CDK18: variants seen among roughly 807,000 people sequenced by gnomAD.
CDK18 encodes the protein cyclin-dependent kinase 18.
Under a neutral mutation model 62.0 loss-of-function variants are expected in CDK18, and 52 were observed. The ratio of observed to expected loss-of-function variants is 0.84; its 90% CI spans 0.67 to 1.06. CDK18 has a LOEUF of 1.06. CDK18 is among the 50% of genes least tolerant of loss of function. The probability of loss-of-function intolerance (pLI) is 0.00; values close to 1 mark genes in which losing one functional copy is unlikely to be tolerated. For synonymous variants in CDK18, 237 were observed against 247.0 expected (o/e 0.96, Z 0.38); for missense variants, 604 against 619.9 (o/e 0.97, Z 0.27).
chr1:205,519,663 C>T (rs1040931754), intron 1 of CDK18, among the ~76,000 whole-genome samples: 4 of 152,174 alleles, frequency 2.6e-5, no homozygotes, highest in Admixed American at 6.5e-5. Context: ...CTGGCCTCAC[C>T]CTTCCTCCAG....
chr1:205,510,125 T>C (rs1471641708), intron 1 of CDK18, among the ~76,000 whole-genome samples: 1 of 151,832 alleles, frequency 6.6e-6, no homozygotes, highest in Non-Finnish European at 1.5e-5. Flanking sequence ...TGAACACTGT[T>C]CCCCATCTTA....
intron 1 of CDK18, among the ~76,000 whole-genome samples, chr1:205,521,676 G>C (rs980856640): frequency 1.3e-5 from 2 of 152,264 alleles, no homozygotes; most frequent in Non-Finnish European, 2.9e-5. Flanking sequence ...AGGGCAGCTG[G>C]AGGGCCACCA....
rs578183892 is a variant in CDK18 at position 205,517,927 on chromosome 1, G to A, written c.-21-5220G>A. On this transcript the variant is annotated intron_variant, in intron 1 of 15. Coordinates refer to ENST00000429964, the MANE Select transcript of CDK18 (RefSeq NM_212502.3). This position sits in a 1 kb window ranked among gnomAD's most constrained non-coding sequence, Gnocchi z 4.1. ...TCCGTTCAAACCCTCCTTACCCCTC[G>A]AGGCCCAACACAGCTGCTCCGCACT... Among the ~76,000 whole-genome samples the A allele has an allele frequency of 5.3e-5, 8 of 152,126 alleles. No homozygotes were observed. The highest frequency in any genetic ancestry group is 2.1e-4 in the South Asian group (1 of 4,806).
intron 15 of CDK18, 116 bp from the exon 16 acceptor site, chr1:205,531,228 A>G: frequency 1.1e-6 from 1 of 890,550 alleles, no homozygotes; most frequent in Non-Finnish European, 1.8e-6. Flanking sequence ...TCCTGTTTGC[A>G]TGCCCTTGCT....
In CDK18 at chr1:205,528,442, G is replaced by T. The variant is rs1396928051; in HGVS notation, c.974+274G>T. Among the ~76,000 whole-genome samples the T allele has an allele frequency of 6.6e-6, 1 of 152,136 alleles. No homozygotes were observed. Among genetic ancestry groups the T allele is most frequent in the Non-Finnish European group, 1.5e-5 (1 of 68,024 alleles). The stretch of plus-strand genomic sequence containing the variant: ...ACCAGAGACCCAGAGGGTCCAGGAG[G>T]GCCCCTATAGTAAATACGATGAATC... On this transcript the variant is annotated intron_variant, in intron 10 of 15. Coordinates refer to ENST00000429964, the MANE Select transcript of CDK18 (RefSeq NM_212502.3). This position sits in a 1 kb window ranked among gnomAD's most constrained non-coding sequence, Gnocchi z 4.2.
At position 205,528,313 on chromosome 1, in the gene CDK18, T is replaced by C. The variant is rs1370365849; in HGVS notation, c.974+145T>C. 1.0e-5 allele frequency: 10 copies of C among 985,466 alleles called. No homozygotes were observed. The highest frequency in any genetic ancestry group is 2.7e-5 in the Admixed American group (1 of 36,610). The allele number at this position is 985,466 out of a possible 1,614,324, so 61.0% of individuals were successfully genotyped here. A position where few individuals can be genotyped will look rare whatever the true frequency, so the allele number is the denominator to read the frequency against. On this transcript the variant is annotated intron_variant, in intron 10 of 15. Transcript: ENST00000429964. This position sits in a 1 kb window ranked among gnomAD's most constrained non-coding sequence, Gnocchi z 4.2. ...TTGTGACATCCTGCTGAAATGGATG[T>C]TAAAAAATTAGGTCTGAAATATAAT...
In CDK18 at chr1:205,531,434, G is replaced by C. The variant is rs756079341; in HGVS notation, c.*56G>C. On this transcript the variant is annotated 3_prime_UTR_variant, in exon 16 of 16. Coordinates refer to ENST00000429964, the MANE Select transcript of CDK18 (RefSeq NM_212502.3). Reference sequence around the variant, plus strand: ...AAGAGATCACATGGAGCACAAATTCGGGTAGGATGGAGCCTGTGTGGCCCT... The same window carrying C: ...AAGAGATCACATGGAGCACAAATTCCGGTAGGATGGAGCCTGTGTGGCCCT... 2.6e-6 allele frequency: 4 copies of C among 1,526,174 alleles called. No homozygotes were observed. The highest frequency in any genetic ancestry group is 2.7e-5 in the African/African-American group (2 of 73,506). The allele number at this position is 1,526,174 out of a possible 1,614,324, so 94.5% of individuals were successfully genotyped here.
intron 1 of CDK18, among the ~76,000 whole-genome samples, chr1:205,513,842 C>T (rs1190710945): frequency 6.6e-6 from 1 of 152,194 alleles, no homozygotes; most frequent in African/African-American, 2.4e-5. Flanking sequence ...GATGGTGCCT[C>T]CAGCCCAAAA....
At chr1:205,530,011 A>G in intron 13 of CDK18, 2 of 1,406,906 alleles carry the variant, frequency 1.4e-6, no homozygotes, top group Non-Finnish European at 9.2e-7. Context: ...TTCTATCCCA[A>G]GAGAAGGTCA....
At chr1:205,507,400 G>A (rs1667358053) in intron 1 of CDK18, among the ~76,000 whole-genome samples, 1 of 151,872 alleles carries the variant, frequency 6.6e-6, no homozygotes. Context: ...GGGAGGCCGA[G>A]GTGGACGGAT....
Position 205,528,863 on chromosome 1 carries a change from T to A in CDK18, c.975-136T>A. 1.6e-6 allele frequency: 1 copy of A among 612,100 alleles called. No individual in the cohort carries two copies. The highest frequency in any genetic ancestry group is 2.8e-5 in the Admixed American group (1 of 35,450). The allele number at this position is 612,100 out of a possible 1,614,324, so 37.9% of individuals were successfully genotyped here. On this transcript the variant is annotated intron_variant, in intron 10 of 15. Coordinates refer to ENST00000429964, the MANE Select transcript of CDK18 (RefSeq NM_212502.3). The surrounding 1 kb of genome is among the most constrained non-coding windows in gnomAD (Gnocchi z 4.2). ...GCAGTTCTAGGAGCCTCCACTGCCC[T>A]GGGCCACCCCTCCGCCGCCAGAGCC...
chr1:205,507,994 A>G (rs1379300133), intron 1 of CDK18, among the ~76,000 whole-genome samples: 1 of 152,166 alleles, frequency 6.6e-6, no homozygotes, highest in Admixed American at 6.5e-5. Flanking sequence ...GGAGCTGGAG[A>G]GGCAGCAGTC....
intron 1 of CDK18, among the ~76,000 whole-genome samples, chr1:205,518,510 A>G (rs913831529): frequency 1.6e-4 from 24 of 152,216 alleles, no homozygotes; most frequent in African/African-American, 4.3e-4. Flanking sequence ...GAAAACAGTC[A>G]AGCCTGGGCC....
chr1:205,526,753 TG>T, intron 7 of CDK18, 21 bp from the exon 8 acceptor site: 1 of 1,609,190 alleles, frequency 6.2e-7, no homozygotes, highest in Non-Finnish European at 8.5e-7. Context: ...GGGGCAGGAC[TG>T]AGCCACGCTC....
chr1:205,505,267 C>T (rs2102261383), intron 1 of CDK18, among the ~76,000 whole-genome samples: 1 of 152,282 alleles, frequency 6.6e-6, no homozygotes, highest in Middle Eastern at 3.4e-3. Flanking sequence ...GAGTGTGGGG[C>T]CACATCGCTG....
At chr1:205,526,496 C>T (rs752871130) in intron 7 of CDK18, 35 bp downstream of exon 7, 8 of 1,528,220 alleles carry the variant, frequency 5.2e-6, no homozygotes, top group African/African-American at 4.1e-5. Flanking sequence ...GCCTCTCCCT[C>T]TTGTGGTGGA....
chr1:205,507,650 A>T (rs1018608143), intron 1 of CDK18, among the ~76,000 whole-genome samples: 5 of 151,500 alleles, frequency 3.3e-5, no homozygotes, highest in East Asian at 1.9e-4. Flanking sequence ...AAAAAAAAAA[A>T]AAAAAAAAAA....
At position 205,528,879 on chromosome 1, in the gene CDK18, C is replaced by A; in HGVS notation, c.975-120C>A. ...CCACTGCCCTGGGCCACCCCTCCGC[C>A]GCCAGAGCCACGATCCCTGCAGCCG... is the stretch of plus-strand genomic sequence containing the variant. On this transcript the variant is annotated intron_variant, in intron 10 of 15. Coordinates refer to ENST00000429964, the MANE Select transcript of CDK18 (RefSeq NM_212502.3). The surrounding 1 kb of genome is among the most constrained non-coding windows in gnomAD (Gnocchi z 4.2). 1 of 650,854 alleles carries A rather than the reference C, an allele frequency of 1.5e-6. No homozygotes were observed. The highest frequency in any genetic ancestry group is 2.7e-6 in the Non-Finnish European group (1 of 372,922). 40.3% of individuals were successfully genotyped at this position (650,854 alleles called of 1,614,324 possible).
rs755208475 is a variant in CDK18 at position 205,531,352 on chromosome 1, A to G, written c.1399A>G (p.Lys467Glu). 1.9e-6 allele frequency: 3 copies of G among 1,614,106 alleles called. No homozygotes were observed. Among genetic ancestry groups the G allele is most frequent in the Non-Finnish European group, 2.5e-6 (3 of 1,179,988 alleles). ...GLAFQQPGRG[K>E]NRRQSIF ...TCTTCTCCATTCTCCAGGACGAGGG[A>G]AGAACAGGCGGCAGAGCATCTTCTG... is the stretch of plus-strand genomic sequence containing the variant. The change falls in exon 16 of 16, where the codon AAG becomes GAG. Residue 467 changes from lysine to glutamate, a missense_variant. Lys to Glu is a moderately conservative substitution (Grantham distance 56). Transcript: ENST00000429964.
Sources: gnomAD v4.1 joint callset for allele counts (sites outside exome capture counted in the v4.1 genomes callset) on GRCh38, gnomAD v4.1.1 for gene constraint, Gnocchi (gnomAD v3.1) non-coding constraint, MANE v1.5 for transcripts, NCBI Gene and HGNC (gene_info 2026-07-23, HGNC 2026-07-21) for gene names.